The following DGLUCY variants were observed in gnomAD, a reference collection of about 807,000 sequenced individuals.
The protein encoded by DGLUCY is D-glutamate cyclase, also known as D-glutamate cyclase, mitochondrial.
DGLUCY carries 58 observed loss-of-function variants against 58.5 expected under a neutral mutation model. That is an observed-to-expected ratio of 0.99 (90% CI 0.80 to 1.23). The LOEUF (loss-of-function observed/expected upper bound fraction) is 1.23, where lower values mean the gene tolerates loss of function less well. Ranked by LOEUF, DGLUCY falls within the 50% of genes most tolerant of loss-of-function variation. The pLI, the probability that DGLUCY is intolerant of heterozygous loss-of-function variation, is 0.00. For synonymous variants in DGLUCY, 325 were observed against 314.1 expected (o/e 1.03, Z -0.37); for missense variants, 779 against 784.7 (o/e 0.99, Z 0.09).
upstream of DGLUCY, among the ~76,000 whole-genome samples, chr14:91,111,371 C>T (rs986589380): frequency 6.6e-5 from 10 of 151,882 alleles, no homozygotes; most frequent in African/African-American, 2.4e-4. Context: ...ACCTCTCTGC[C>T]TTCCAGATTC....
intron 13 of DGLUCY, chr14:91,223,657 T>G (rs563446823): frequency 1.3e-4 from 32 of 253,184 alleles, no homozygotes; most frequent in East Asian, 1.1e-3. Context: ...ATCAAACCAC[T>G]TTTTTTTTTT....
chr14:91,062,585 ATATATATATATATATATATATATAT>A (rs1566925587), intron 1 of DGLUCY, among the ~76,000 whole-genome samples: 733 of 24,978 alleles, frequency 0.029, 68 homozygotes, highest in Admixed American at 0.067. Flanking sequence ...ATATATATAT[ATATATATATATATATATATATATAT>A]AAACAATCCT....
intron 5 of DGLUCY, among the ~76,000 whole-genome samples, chr14:91,170,847 C>G (rs2048540392): frequency 6.6e-6 from 1 of 152,218 alleles, no homozygotes; most frequent in Non-Finnish European, 1.5e-5. Flanking sequence ...CATAAACAGC[C>G]AGGCTCCAGG....
chr14:91,082,044 T>C (rs2044136380), intron 1 of DGLUCY, among the ~76,000 whole-genome samples: 1 of 152,108 alleles, frequency 6.6e-6, no homozygotes, highest in African/African-American at 2.4e-5. Flanking sequence ...GGTCCTCAAT[T>C]TCATCACGTA....
intron 1 of DGLUCY, among the ~76,000 whole-genome samples, chr14:91,079,537 A>G (rs2044089605): frequency 6.6e-6 from 1 of 152,038 alleles, no homozygotes; most frequent in African/African-American, 2.4e-5. Flanking sequence ...TATTTTTAGT[A>G]GAGACGGGGT....
rs151029769 is a variant in DGLUCY at position 91,135,079 on chromosome 14, A to T, written c.-82+20796A>T. Among the ~76,000 whole-genome samples, 131 of 151,964 alleles carry T rather than the reference A, an allele frequency of 8.6e-4. 1 individual carries two copies. The highest frequency in any genetic ancestry group is 3.7e-4 in the Non-Finnish European group (25 of 67,956). On this transcript the variant is annotated intron_variant, in intron 1 of 13. Transcript: ENST00000256324. ...GCTGGGACTACAGCCGCACACCACCATGCCCAGCTAATTTTTTAATTTTTT... is the reference window on the plus strand; with the variant it reads ...GCTGGGACTACAGCCGCACACCACCTTGCCCAGCTAATTTTTTAATTTTTT...
intron 12 of DGLUCY, among the ~76,000 whole-genome samples, chr14:91,209,434 T>A (rs978526922): frequency 2.0e-5 from 3 of 151,350 alleles, no homozygotes; most frequent in African/African-American, 7.3e-5. Flanking sequence ...TGAGGCCGCG[T>A]GCGGTGGCTC....
intron 13 of DGLUCY, among the ~76,000 whole-genome samples, chr14:91,222,283 G>A (rs142914809): frequency 4.6e-5 from 7 of 152,288 alleles, no homozygotes; most frequent in Middle Eastern, 3.4e-3. Context: ...CAGTCAGCTC[G>A]AAACCTGTTG....
Position 91,196,397 on chromosome 14 carries a change from G to C in DGLUCY, c.1218G>C (p.Pro406=), listed in dbSNP as rs147223382. ...AAGGTGTTCTGAAGACGCAGATCCCGATATTAACTTACCAAGGTGGATCAG... is the reference window on the plus strand; with the variant it reads ...AAGGTGTTCTGAAGACGCAGATCCCCATATTAACTTACCAAGGTGGATCAG... The part of the protein sequence containing the change: ...VEQGVLKTQI[P]ILTYQGGSVE... Residue 406 remains proline (P), a synonymous_variant, in exon 10 of 14, where the codon CCG becomes CCC. Coordinates refer to ENST00000256324, the MANE Select transcript of DGLUCY (RefSeq NM_001102368.3). 5.0e-6 allele frequency: 8 copies of C among 1,614,058 alleles called. No individual in the cohort carries two copies. The highest frequency in any genetic ancestry group is 6.8e-6 in the Non-Finnish European group (8 of 1,180,004).
chr14:91,112,441 G>A (rs763861565), upstream of DGLUCY, among the ~76,000 whole-genome samples: 8 of 152,138 alleles, frequency 5.3e-5, no homozygotes, highest in Non-Finnish European at 8.8e-5. Flanking sequence ...GAGAACACAC[G>A]TGATGGGTAG....
At chr14:91,086,841 C>T (rs760554082) in intron 1 of DGLUCY, among the ~76,000 whole-genome samples, 2 of 152,144 alleles carry the variant, frequency 1.3e-5, no homozygotes, top group African/African-American at 2.4e-5. Context: ...GCAACCTCCA[C>T]CTCCGAGGCT....
intron 1 of DGLUCY, among the ~76,000 whole-genome samples, chr14:91,123,443 A>G (rs6575178): frequency 0.84 from 127,211 of 151,704 alleles, 53,713 homozygotes; most frequent in East Asian, 1. Flanking sequence ...GAAAACTGTC[A>G]TACTGACGCG....
intron 13 of DGLUCY, among the ~76,000 whole-genome samples, chr14:91,219,995 T>C (rs1887190594): frequency 6.6e-6 from 1 of 152,176 alleles, no homozygotes; most frequent in Non-Finnish European, 1.5e-5. Context: ...CTCAGCCCGA[T>C]GGAGGCCTCA....
At chr14:91,074,442 T>C (rs1222664924) in intron 1 of DGLUCY, among the ~76,000 whole-genome samples, 2 of 151,606 alleles carry the variant, frequency 1.3e-5, no homozygotes, top group African/African-American at 4.9e-5. Flanking sequence ...TGTGGTCTCA[T>C]TGGACTCTAG....
intron 13 of DGLUCY, among the ~76,000 whole-genome samples, chr14:91,218,345 C>T (rs1471051169): frequency 6.6e-6 from 1 of 152,098 alleles, no homozygotes; most frequent in Non-Finnish European, 1.5e-5. Context: ...TGCATTTCTA[C>T]CTAGTCCTTC....
intron 13 of DGLUCY, among the ~76,000 whole-genome samples, chr14:91,224,171 T>G (rs937392425): frequency 6.6e-6 from 1 of 152,194 alleles, no homozygotes; most frequent in Non-Finnish European, 1.5e-5. Flanking sequence ...TGGGAGGAAC[T>G]TATTGGCAGG....
chr14:91,156,528 T>C (rs547739489), intron 1 of DGLUCY, among the ~76,000 whole-genome samples: 4 of 152,352 alleles, frequency 2.6e-5, no homozygotes, highest in South Asian at 4.1e-4. Context: ...GAGAAATTAC[T>C]TTCTAAAGGT....
chr14:91,170,189 G>A lies in DGLUCY; in HGVS notation c.444G>A (p.Ala148=), dbSNP rs1418855260. 8 of 1,613,390 alleles carry A rather than the reference G, an allele frequency of 5.0e-6. No individual in the cohort carries two copies. Among genetic ancestry groups the A allele is most frequent in the Admixed American group, 3.3e-5 (2 of 60,000 alleles). The change falls in exon 5 of 14, where the codon GCG becomes GCA. Residue 148 remains alanine (A), a synonymous_variant. Coordinates refer to ENST00000256324, the MANE Select transcript of DGLUCY (RefSeq NM_001102368.3). ...GAGACCCAGCAGGTCACAGCCAGGC[G>A]GGTGCATACAAGGTAGGGACACAGC... The part of the protein sequence containing the change: ...PRRDPAGHSQ[A]GAYKTTVPCV...
chr14:91,086,817 G>C (rs1352290463), intron 1 of DGLUCY, among the ~76,000 whole-genome samples: 1 of 151,966 alleles, frequency 6.6e-6, no homozygotes, highest in East Asian at 1.9e-4. Flanking sequence ...GCAATGGCTC[G>C]ATCTCAGCTC....
Sources: gnomAD v4.1 joint callset for allele counts (sites outside exome capture counted in the v4.1 genomes callset) on GRCh38, gnomAD v4.1.1 for gene constraint, MANE v1.5 for transcripts, NCBI Gene and HGNC (gene_info 2026-07-23, HGNC 2026-07-21) for gene names.